Variants in STPG2 observed in about 807,000 individuals in gnomAD.
STPG2 encodes sperm-tail PG-rich repeat-containing protein 2.
A neutral mutation model predicts 54.2 loss-of-function variants in STPG2; 56 were observed. The observed-to-expected ratio is 1.03, with a 90% confidence interval of 0.83 to 1.29. The LOEUF is 1.29. STPG2 is among the 50% of genes most tolerant of loss of function. STPG2 has a pLI of 0.00. For missense variants in STPG2, 596 were observed against 544.9 expected (o/e 1.09, Z -0.93); for synonymous variants, 200 against 181.8 (o/e 1.10, Z -0.81).
chr4:97,739,496 A>G (rs1436162124), intron 9 of STPG2, among the ~76,000 whole-genome samples: 4 of 152,202 alleles, frequency 2.6e-5, no homozygotes, highest in South Asian at 2.1e-4. Flanking sequence ...AAGAGAGAAG[A>G]ATCAAATAGA....
intron 5 of STPG2, among the ~76,000 whole-genome samples, chr4:98,018,378 T>C (rs965054557): frequency 6.6e-6 from 1 of 152,214 alleles, no homozygotes; most frequent in Admixed American, 6.5e-5. Flanking sequence ...TAGTATTCCA[T>C]GGTGTATATG....
intron 10 of STPG2, among the ~76,000 whole-genome samples, chr4:97,683,293 A>G (rs1277537927): frequency 6.6e-6 from 1 of 151,814 alleles, no homozygotes; most frequent in Admixed American, 6.6e-5. Flanking sequence ...TTTGCATTTT[A>G]TACTCCTCTA....
intron 4 of STPG2, among the ~76,000 whole-genome samples, chr4:97,489,431 G>C (rs1730450481): frequency 1.3e-5 from 2 of 151,642 alleles, no homozygotes; most frequent in South Asian, 4.1e-4. Flanking sequence ...CCCAAGGCTA[G>C]TACCACCTAG....
intron 10 of STPG2, among the ~76,000 whole-genome samples, chr4:97,563,862 T>C (rs1578391144): frequency 6.6e-6 from 1 of 152,210 alleles, no homozygotes; most frequent in African/African-American, 2.4e-5. Context: ...CTTCTAATGA[T>C]GTGGTCAATT....
downstream of STPG2, among the ~76,000 whole-genome samples, chr4:97,558,659 A>G (rs1472976874): frequency 6.6e-6 from 1 of 152,150 alleles, no homozygotes; most frequent in Non-Finnish European, 1.5e-5. Context: ...TGGAAGTGGC[A>G]TCCTTTCCCC....
intron 10 of STPG2, among the ~76,000 whole-genome samples, chr4:97,709,135 A>T (rs977704967): frequency 1.3e-5 from 2 of 151,800 alleles, no homozygotes; most frequent in Non-Finnish European, 3.0e-5. Context: ...AAAGTAATAG[A>T]AAGTAAATGA....
intron 8 of STPG2, among the ~76,000 whole-genome samples, chr4:97,853,345 C>T (rs1310997386): frequency 1.3e-5 from 2 of 152,012 alleles, no homozygotes; most frequent in Non-Finnish European, 2.9e-5. Context: ...TTATGTGACA[C>T]CAAAAAATTG....
intron 8 of STPG2, among the ~76,000 whole-genome samples, chr4:97,843,971 C>T (rs988144129): frequency 6.6e-6 from 1 of 151,660 alleles, no homozygotes; most frequent in Non-Finnish European, 1.5e-5. Flanking sequence ...GAATTTCCAA[C>T]TGAATGAAAT....
chr4:97,923,154 TG>T (rs1678937976), intron 8 of STPG2, among the ~76,000 whole-genome samples: 1 of 152,252 alleles, frequency 6.6e-6, no homozygotes, highest in Non-Finnish European at 1.5e-5. Context: ...ACTCTGGCCA[TG>T]CTTGAGGAGC....
At chr4:98,019,856 T>C (rs1209659833) in intron 5 of STPG2, among the ~76,000 whole-genome samples, 2 of 119,518 alleles carry the variant, frequency 1.7e-5, no homozygotes, top group Admixed American at 1.6e-4. Context: ...GTGATTTTTT[T>C]ACATTGATTT....
intron 3 of STPG2, among the ~76,000 whole-genome samples, chr4:98,126,836 C>T (rs1000876460): frequency 1.3e-5 from 2 of 151,930 alleles, no homozygotes; most frequent in African/African-American, 4.8e-5. Context: ...AATGATACAA[C>T]AAATGTGATA....
chr4:97,882,849 G>A lies in STPG2; in HGVS notation c.1045-41917C>T, dbSNP rs147849662. On this transcript the variant is annotated intron_variant, in intron 8 of 10. Coordinates refer to ENST00000295268, the MANE Select transcript of STPG2 (RefSeq NM_174952.3). ...TATCAGAAGAAAAGGTAAGGCAAAG[G>A]TATGCAAATCAAAGCATAATTATTG... Among the ~76,000 whole-genome samples the A allele has an allele frequency of 2.0e-3, 300 of 152,056 alleles. 1 individual carries two copies. The highest frequency in any genetic ancestry group is 6.7e-3 in the African/African-American group (280 of 41,490).
intron 10 of STPG2, among the ~76,000 whole-genome samples, chr4:97,618,603 C>G (rs901680474): frequency 5.3e-5 from 8 of 152,082 alleles, no homozygotes; most frequent in African/African-American, 1.7e-4. Context: ...GAAAATAGCT[C>G]ATCCATAACA....
chr4:97,889,200 A>C (rs1275613537), intron 8 of STPG2, among the ~76,000 whole-genome samples: 1 of 152,246 alleles, frequency 6.6e-6, no homozygotes, highest in African/African-American at 2.4e-5. Flanking sequence ...TACAGAGAAA[A>C]GGGAAACCTA....
chr4:98,001,595 A>G (rs1202097215), intron 5 of STPG2, among the ~76,000 whole-genome samples: 1 of 152,122 alleles, frequency 6.6e-6, no homozygotes, highest in Non-Finnish European at 1.5e-5. Context: ...AAATGAAGCT[A>G]AAGTACCCAT....
chr4:97,758,241 G>A (rs987727214), intron 9 of STPG2, among the ~76,000 whole-genome samples: 24 of 152,266 alleles, frequency 1.6e-4, no homozygotes, highest in African/African-American at 5.1e-4. Flanking sequence ...AAAAGGGAAA[G>A]GGAAAGTGGG....
At chr4:97,854,165 A>C (rs1729256127) in intron 8 of STPG2, among the ~76,000 whole-genome samples, 1 of 152,198 alleles carries the variant, frequency 6.6e-6, no homozygotes, top group Admixed American at 6.5e-5. Flanking sequence ...CCTAACAACA[A>C]ACATTTATAG....
chr4:98,018,344 A>T (rs1435083301), intron 5 of STPG2, among the ~76,000 whole-genome samples: 5 of 152,180 alleles, frequency 3.3e-5, no homozygotes, highest in South Asian at 2.1e-4. Context: ...AAAGGACATG[A>T]ACTCATCATT....
intron 8 of STPG2, among the ~76,000 whole-genome samples, chr4:97,889,687 A>G (rs1730697406): frequency 6.6e-6 from 1 of 152,186 alleles, no homozygotes. Context: ...TGGGGGAAAG[A>G]GAGTTTTGGG....
Sources: gnomAD v4.1 joint callset for allele counts (sites outside exome capture counted in the v4.1 genomes callset) on GRCh38, gnomAD v4.1.1 for gene constraint, MANE v1.5 for transcripts, NCBI Gene and HGNC (gene_info 2026-07-23, HGNC 2026-07-21) for gene names.